The following SLC35D4 variants were observed in gnomAD, a reference collection of about 807,000 sequenced individuals.
SLC35D4 encodes UDP-N-acetylglucosamine transporter SLC35D4.
At chr18:23,427,568 G>C in the SLC35D4 span, among the ~76,000 whole-genome samples, 1 of 152,186 alleles carries the variant, frequency 6.6e-6, no homozygotes, top group Non-Finnish European at 1.5e-5. Context: ...TACACTGTTG[G>C]TGGGACTGTA....
At chr18:23,396,041 C>T in the SLC35D4 span, among the ~76,000 whole-genome samples, 3 of 152,146 alleles carry the variant, frequency 2.0e-5, no homozygotes, top group African/African-American at 7.2e-5. Context: ...ATAGTAGGTC[C>T]CAAATAACTA....
chr18:23,268,061 C>G, the SLC35D4 span, among the ~76,000 whole-genome samples: 1 of 152,164 alleles, frequency 6.6e-6, no homozygotes, highest in African/African-American at 2.4e-5. Context: ...TTTGGCCTCA[C>G]CAAGCCATCC....
the SLC35D4 span, among the ~76,000 whole-genome samples, chr18:23,428,026 G>T: frequency 5.1e-3 from 770 of 152,196 alleles, 11 homozygotes; most frequent in African/African-American, 0.018. Flanking sequence ...CCATGGGTTG[G>T]GGGGAGAGGG....
the SLC35D4 span, among the ~76,000 whole-genome samples, chr18:23,264,604 G>T: frequency 2.6e-5 from 4 of 151,978 alleles, no homozygotes; most frequent in Admixed American, 2.6e-4. Context: ...CTCGTGATCC[G>T]TCTGCCTCGG....
the SLC35D4 span, among the ~76,000 whole-genome samples, chr18:23,410,531 G>A: frequency 6.6e-6 from 1 of 151,526 alleles, no homozygotes; most frequent in Admixed American, 6.6e-5. Flanking sequence ...GGGGCTGGGC[G>A]TAGTGGCTCA....
At chr18:23,371,935 G>GTTTTGTT in the SLC35D4 span, among the ~76,000 whole-genome samples, 1 of 35,480 alleles carries the variant, frequency 2.8e-5, no homozygotes, top group Non-Finnish European at 4.9e-5. Context: ...TGTTTTTTTT[G>GTTTTGTT]TTTTTTTTTT....
the SLC35D4 span, among the ~76,000 whole-genome samples, chr18:23,290,350 G>C: frequency 2.7e-3 from 418 of 152,366 alleles, 1 homozygote; most frequent in Admixed American, 5.6e-3. Context: ...CCAGCTGCGG[G>C]GAAGGGGGTG....
the SLC35D4 span, among the ~76,000 whole-genome samples, chr18:23,249,890 G>A: frequency 2.6e-5 from 4 of 152,222 alleles, no homozygotes; most frequent in South Asian, 4.1e-4. Flanking sequence ...CATGGGGCAC[G>A]AGCTGGAAGC....
At chr18:23,285,673 C>T in the SLC35D4 span, among the ~76,000 whole-genome samples, 1 of 152,088 alleles carries the variant, frequency 6.6e-6, no homozygotes, top group Non-Finnish European at 1.5e-5. Flanking sequence ...TCTTTCTAAT[C>T]TTCCTTTTCT....
chr18:23,379,096 C>T, the SLC35D4 span, among the ~76,000 whole-genome samples: 7 of 151,232 alleles, frequency 4.6e-5, no homozygotes, highest in African/African-American at 1.7e-4. Context: ...TAACTGCCCC[C>T]GGTATGATAA....
At chr18:23,356,845 A>G in the SLC35D4 span, among the ~76,000 whole-genome samples, 1 of 152,240 alleles carries the variant, frequency 6.6e-6, no homozygotes, top group Non-Finnish European at 1.5e-5. This position sits in a 1 kb window ranked among gnomAD's most constrained non-coding sequence, Gnocchi z 4.1. Context: ...CATGGTAATA[A>G]CAGTATGATA....
the SLC35D4 span, among the ~76,000 whole-genome samples, chr18:23,321,806 C>G: frequency 4.6e-5 from 7 of 152,158 alleles, no homozygotes; most frequent in Non-Finnish European, 1.0e-4. Flanking sequence ...ATTTTATTAA[C>G]TCATTATGAC....
chr18:23,306,645 A>C, the SLC35D4 span, among the ~76,000 whole-genome samples: 1 of 152,224 alleles, frequency 6.6e-6, no homozygotes, highest in Non-Finnish European at 1.5e-5. Context: ...ATTTGAGCAA[A>C]GCTAAGCAAT....
chr18:23,379,853 G>C, the SLC35D4 span, among the ~76,000 whole-genome samples: 2 of 151,882 alleles, frequency 1.3e-5, no homozygotes, highest in Non-Finnish European at 2.9e-5. Context: ...CCCAGCACTT[G>C]GGGAGGCCGA....
At chr18:23,321,723 G>A in the SLC35D4 span, among the ~76,000 whole-genome samples, 1 of 152,174 alleles carries the variant, frequency 6.6e-6, no homozygotes, top group Admixed American at 6.5e-5. Flanking sequence ...CCAAAGTGCT[G>A]CGATTACAGG....
chr18:23,290,180 C>A, the SLC35D4 span, among the ~76,000 whole-genome samples: 6 of 152,244 alleles, frequency 3.9e-5, no homozygotes, highest in Admixed American at 3.9e-4. Flanking sequence ...CTGGCACTTC[C>A]TCAGCACCTC....
At chr18:23,424,035 A>G in the SLC35D4 span, among the ~76,000 whole-genome samples, 35 of 152,254 alleles carry the variant, frequency 2.3e-4, no homozygotes, top group South Asian at 6.2e-3. Flanking sequence ...CCCTCTCTTT[A>G]CAAGGGAGGG....
the SLC35D4 span, chr18:23,297,843 C>T: frequency 5.3e-6 from 4 of 760,882 alleles, no homozygotes; most frequent in South Asian, 5.1e-5. Context: ...GCCACCACCA[C>T]ATTCACTTGG....
chr18:23,309,948 GA>G, the SLC35D4 span, among the ~76,000 whole-genome samples: 1 of 152,190 alleles, frequency 6.6e-6, no homozygotes, highest in Non-Finnish European at 1.5e-5. Context: ...ATTTGGTGTA[GA>G]AAAGGCTAAG....
Sources: gnomAD v4.1 joint callset for allele counts (sites outside exome capture counted in the v4.1 genomes callset) on GRCh38, gnomAD v4.1.1 for gene constraint, Gnocchi (gnomAD v3.1) non-coding constraint, MANE v1.5 for transcripts, NCBI Gene and HGNC (gene_info 2026-07-23, HGNC 2026-07-21) for gene names.